Variants in CWC27 observed in about 807,000 individuals in gnomAD.
CWC27 encodes CWC27 spliceosome associated cyclophilin, also known as spliceosome-associated protein CWC27 homolog.
Under a neutral mutation model 63.6 loss-of-function variants are expected in CWC27, and 47 were observed. That is an observed-to-expected ratio of 0.74 (90% CI 0.58 to 0.94). The LOEUF is 0.94. Ranked by LOEUF, CWC27 falls within the 40% of genes least tolerant of loss-of-function variation. CWC27 has a pLI of 0.00. For synonymous variants in CWC27, 175 were observed against 179.8 expected, an observed-to-expected ratio of 0.97 and a Z score of 0.22; for missense variants, 495 against 554.3, an observed-to-expected ratio of 0.89 and a Z score of 1.07.
At chr5:64,800,847 A>C (rs1457621359) in intron 8 of CWC27, among the ~76,000 whole-genome samples, 2 of 152,166 alleles carry the variant, frequency 1.3e-5, no homozygotes, top group African/African-American at 2.4e-5. Context: ...TAATAGCACA[A>C]GATAAACTGG....
Position 64,819,966 on chromosome 5 carries a change from T to G in CWC27, c.938+15580T>G, listed in dbSNP as rs956132368. 3.3e-5 allele frequency among the ~76,000 whole-genome samples: 5 copies of G among 152,220 alleles called. No individual in the cohort carries two copies. The East Asian group carries it at 9.6e-4, about 29-fold the overall frequency. On this transcript the variant is annotated intron_variant, in intron 10 of 13. Transcript: ENST00000381070. ...CATTCAGAGCTTTTTGCTATTAATA[T>G]GTATAAAAACCCCTACTAAATAATT... is the stretch of plus-strand genomic sequence containing the variant.
Position 64,769,035 on chromosome 5 carries a change from C to A in CWC27, c.-112C>A. On this transcript the variant is annotated 5_prime_UTR_variant, in exon 1 of 14. Transcript: ENST00000381070. The stretch of plus-strand genomic sequence containing the variant: ...CTTGCGTGATATTGACAAACTGAAG[C>A]TTTCCTGCACCACTGGACTTAAGGA... 1.1e-6 allele frequency: 1 copy of A among 874,132 alleles called. No homozygotes were observed. Among genetic ancestry groups the A allele is most frequent in the Non-Finnish European group, 1.9e-6 (1 of 527,616 alleles). The allele number at this position is 874,132 out of a possible 1,614,324, so 54.1% of individuals were successfully genotyped here. A position where few individuals can be genotyped will look rare whatever the true frequency, so the allele number is the denominator to read the frequency against.
chr5:64,893,737 A>G (rs985576208), intron 11 of CWC27, among the ~76,000 whole-genome samples: 1 of 152,240 alleles, frequency 6.6e-6, no homozygotes, highest in African/African-American at 2.4e-5. Context: ...GGTTTTTTAA[A>G]GAAGACTATG....
At position 64,935,041 on chromosome 5, in the gene CWC27, C is replaced by T. The variant is rs536863081; in HGVS notation, c.1043-36662C>T. 8.5e-5 allele frequency among the ~76,000 whole-genome samples: 13 copies of T among 152,278 alleles called. No homozygotes were observed. The South Asian group carries it at 2.7e-3, about 32-fold the overall frequency. On this transcript the variant is annotated intron_variant, in intron 11 of 13. Transcript: ENST00000381070. ...TGGATAGATTGCAAAAATTCTCTCCCATTCTGTAGGTTGCCTGTTCACTCT... is the reference window on the plus strand; with the variant it reads ...TGGATAGATTGCAAAAATTCTCTCCTATTCTGTAGGTTGCCTGTTCACTCT...
chr5:64,792,192 T>G (rs1465963203), intron 7 of CWC27, among the ~76,000 whole-genome samples: 1 of 152,144 alleles, frequency 6.6e-6, no homozygotes, highest in Non-Finnish European at 1.5e-5. Context: ...TGTTAAACTT[T>G]CCTGGTGATA....
In CWC27 at chr5:64,942,438, T is replaced by TAAAA. The variant is rs35936421; in HGVS notation, c.1043-29246_1043-29243dup. Among the ~76,000 whole-genome samples the TAAAA allele has an allele frequency of 2.0e-3, 196 of 96,496 alleles. 4 individuals are homozygous for TAAAA. Among genetic ancestry groups the TAAAA allele is most frequent in the African/African-American group, 7.4e-3 (171 of 23,036 alleles). 63.3% of individuals were successfully genotyped at this position (96,496 alleles called of 152,430 possible). ...GTGACAGAGCAAGACCCTATCTCTT[T>TAAAA]AAAAAAAAAAAAAAAAAAAAAAGAT... On this transcript the variant is annotated intron_variant, in intron 11 of 13. Coordinates refer to ENST00000381070, the MANE Select transcript of CWC27 (RefSeq NM_005869.4).
intron 10 of CWC27, among the ~76,000 whole-genome samples, chr5:64,844,068 G>A (rs9291828): frequency 0.025 from 3,727 of 152,110 alleles, 58 homozygotes; most frequent in Non-Finnish European, 0.039. Context: ...GTGTAAGAAC[G>A]GTCTTATTCC....
intron 13 of CWC27, among the ~76,000 whole-genome samples, chr5:64,981,660 A>G (rs1749332638): frequency 6.6e-6 from 1 of 151,820 alleles, no homozygotes; most frequent in South Asian, 2.1e-4. Context: ...CAAAGTAAAT[A>G]CTTGTCTTTA....
chr5:64,941,772 T>C (rs568262387), intron 11 of CWC27, among the ~76,000 whole-genome samples: 7 of 152,210 alleles, frequency 4.6e-5, no homozygotes, highest in African/African-American at 1.7e-4. Context: ...TCTGCCACAC[T>C]ATCAGGAGTA....
chr5:64,865,690 T>TAAAG (rs1479923212), intron 10 of CWC27, among the ~76,000 whole-genome samples: 70 of 152,174 alleles, frequency 4.6e-4, no homozygotes, highest in African/African-American at 1.7e-3. Context: ...GATTTTTTAC[T>TAAAG]TTATAATGTT....
At chr5:64,769,878 G>A (rs954505113) in intron 1 of CWC27, among the ~76,000 whole-genome samples, 2 of 152,196 alleles carry the variant, frequency 1.3e-5, no homozygotes, top group African/African-American at 4.8e-5. Context: ...TTCTCTGATT[G>A]ATTTGATGGC....
At chr5:64,852,971 G>A (rs946221336) in intron 10 of CWC27, among the ~76,000 whole-genome samples, 1 of 152,120 alleles carries the variant, frequency 6.6e-6, no homozygotes, top group African/African-American at 2.4e-5. Context: ...TTGATTCAAT[G>A]AACTTGCTGA....
At chr5:64,871,107 C>A (rs1746664311) in intron 10 of CWC27, among the ~76,000 whole-genome samples, 1 of 151,984 alleles carries the variant, frequency 6.6e-6, no homozygotes, top group Non-Finnish European at 1.5e-5. Context: ...CAAAAAATTG[C>A]AGCTTTAGGC....
chr5:64,913,812 C>T (rs978724321), intron 11 of CWC27, among the ~76,000 whole-genome samples: 1 of 152,016 alleles, frequency 6.6e-6, no homozygotes, highest in Non-Finnish European at 1.5e-5. Context: ...CAATCAAAAT[C>T]TAACAGGTTC....
chr5:64,844,940 C>A, intron 10 of CWC27: 1 of 456,720 alleles, frequency 2.2e-6, no homozygotes, highest in Non-Finnish European at 4.4e-6. Flanking sequence ...CTCTGCCTAA[C>A]CTTGGAGCCC....
At chr5:64,830,897 A>G (rs762315634) in intron 10 of CWC27, among the ~76,000 whole-genome samples, 6 of 152,046 alleles carry the variant, frequency 3.9e-5, no homozygotes, top group Non-Finnish European at 7.4e-5. Context: ...TCTATCATTG[A>G]TGGACATTTG....
rs530257130 is a variant in CWC27, at chr5:64,990,256, T to G, written c.1256+13018T>G. On this transcript the variant is annotated intron_variant, in intron 13 of 13. Coordinates refer to ENST00000381070, the MANE Select transcript of CWC27 (RefSeq NM_005869.4). ...TTTTTATTTGTTTTTTTTTTGTTTT[T>G]TTTTTTTTTGTTTTTTTTTTTTTTT... is the stretch of plus-strand genomic sequence containing the variant. Among the ~76,000 whole-genome samples, 6 of 91,466 alleles carry G rather than the reference T, an allele frequency of 6.6e-5. 2 individuals carry two copies. Among genetic ancestry groups the G allele is most frequent in the East Asian group, 2.5e-4 (1 of 4,076 alleles). The allele number at this position is 91,466 out of a possible 152,430, so 60.0% of individuals were successfully genotyped here.
chr5:64,941,185 A>G (rs1326716675), intron 11 of CWC27, among the ~76,000 whole-genome samples: 1 of 152,050 alleles, frequency 6.6e-6, no homozygotes, highest in African/African-American at 2.4e-5. Context: ...TTATTTCCCA[A>G]GCCCAGAAAT....
intron 11 of CWC27, among the ~76,000 whole-genome samples, chr5:64,900,004 A>G (rs1747464454): frequency 1.3e-5 from 2 of 152,120 alleles, no homozygotes; most frequent in East Asian, 3.8e-4. Context: ...TGTTCCTTTT[A>G]TTGCTAAGTA....
Sources: gnomAD v4.1 joint callset for allele counts (sites outside exome capture counted in the v4.1 genomes callset) on GRCh38, gnomAD v4.1.1 for gene constraint, MANE v1.5 for transcripts, NCBI Gene and HGNC (gene_info 2026-07-23, HGNC 2026-07-21) for gene names.